PPP1R13B: variants seen among roughly 807,000 people sequenced by gnomAD.
PPP1R13B encodes apoptosis-stimulating of p53 protein 1.
Under a neutral mutation model 119.8 loss-of-function variants are expected in PPP1R13B, and 44 were observed. The ratio of observed to expected loss-of-function variants is 0.37; its 90% CI spans 0.29 to 0.47. The LOEUF (loss-of-function observed/expected upper bound fraction) is 0.47. Ranked by LOEUF, PPP1R13B falls within the 20% of genes least tolerant of loss-of-function variation. The pLI is 0.99. For missense variants in PPP1R13B, 1,227 were observed against 1,413.5 expected (o/e 0.87, Z 2.12); for synonymous variants, 542 against 561.5 (o/e 0.97, Z 0.49).
intron 15 of PPP1R13B, 26 bp from the exon 16 acceptor site, chr14:103,736,228 C>A: frequency 6.2e-7 from 1 of 1,605,800 alleles, no homozygotes; most frequent in African/African-American, 1.3e-5. Flanking sequence ...AATGGTCAGG[C>A]CTCAGCAGAG....
In PPP1R13B at chr14:103,821,691, C is replaced by T. The variant is rs569861247; in HGVS notation, c.10-24173G>A. On this transcript the variant is annotated intron_variant, in intron 1 of 16. Transcript: ENST00000202556. ...GCTTGAACCCGGGAGGCAGAGGTTG[C>T]GGTAAGCTGAGATTGCGCCATTGCA... 1.2e-4 allele frequency among the ~76,000 whole-genome samples: 18 copies of T among 152,054 alleles called. No homozygotes were observed. The South Asian group carries it at 1.9e-3, about 16-fold the overall frequency.
intron 4 of PPP1R13B, among the ~76,000 whole-genome samples, chr14:103,769,306 G>A (rs1159733800): frequency 1.3e-5 from 2 of 151,814 alleles, no homozygotes; most frequent in Non-Finnish European, 2.9e-5. Context: ...GGCCAGGCTT[G>A]TCTCAAACTC....
intron 4 of PPP1R13B, among the ~76,000 whole-genome samples, chr14:103,770,398 C>G (rs1050386676): frequency 2.6e-5 from 4 of 151,962 alleles, no homozygotes; most frequent in Non-Finnish European, 4.4e-5. Flanking sequence ...GCCTGTAGTC[C>G]CAGCTACGTG....
Position 103,740,194 on chromosome 14 carries a change from G to A in PPP1R13B, c.2222C>T (p.Pro741Leu). The A allele has an allele frequency of 6.2e-7, 1 of 1,613,898 alleles. No individual in the cohort carries two copies. The highest frequency in any genetic ancestry group is 8.5e-7 in the Non-Finnish European group (1 of 1,180,002). Residue 741 changes from proline (P) to leucine (L), a missense_variant, in exon 12 of 17, where the codon CCT becomes CTT. Pro to Leu is a moderately conservative substitution (Grantham distance 98). Transcript: ENST00000202556. The surrounding 1 kb of genome is among the most constrained non-coding windows in gnomAD (Gnocchi z 4.6). Reference sequence around the variant, plus strand: ...CTGGGAGGGGCTGGGCTGGTAGAAAGGGGTGCCCTCCATGCCACCGGCCAG... The same window carrying A: ...CTGGGAGGGGCTGGGCTGGTAGAAAAGGGTGCCCTCCATGCCACCGGCCAG... Reference protein sequence around the residue: ...NTLAGGMEGTPFYQPSPSQDF... With the variant: ...NTLAGGMEGTLFYQPSPSQDF...
Position 103,738,664 on chromosome 14 carries a change from T to G in PPP1R13B, c.2864+15A>C. On this transcript the variant is annotated intron_variant, in intron 14 of 16. Coordinates refer to ENST00000202556, the MANE Select transcript of PPP1R13B (RefSeq NM_015316.3). This position sits in a 1 kb window ranked among gnomAD's most constrained non-coding sequence, Gnocchi z 5.6. ...GAAAGTAAATCTGTCCACCCCACAC[T>G]CCTACGGGCCTCACCATCCATCACT... is the stretch of plus-strand genomic sequence containing the variant. 6.2e-7 allele frequency: 1 copy of G among 1,613,976 alleles called. No homozygotes were observed. The highest frequency in any genetic ancestry group is 8.5e-7 in the Non-Finnish European group (1 of 1,179,856).
At chr14:103,823,007 T>C (rs1287452293) in intron 1 of PPP1R13B, among the ~76,000 whole-genome samples, 2 of 151,876 alleles carry the variant, frequency 1.3e-5, no homozygotes, top group Admixed American at 6.6e-5. Flanking sequence ...AAGCCTACTA[T>C]ATCACATTGC....
chr14:103,755,588 A>T (rs1017974393), intron 5 of PPP1R13B, among the ~76,000 whole-genome samples: 1 of 152,208 alleles, frequency 6.6e-6, no homozygotes, highest in Non-Finnish European at 1.5e-5. Flanking sequence ...ACATAGGGAG[A>T]GGTTTAAGGT....
chr14:103,797,299 A>G (rs1316497827), intron 2 of PPP1R13B, 72 bp downstream of exon 2: 3 of 1,442,390 alleles, frequency 2.1e-6, no homozygotes, highest in Middle Eastern at 1.8e-4. Context: ...AAGCAAATCC[A>G]GCACAAGCTT....
intron 1 of PPP1R13B, among the ~76,000 whole-genome samples, chr14:103,842,301 CTTTTTTT>C (rs34596421): frequency 1.7e-5 from 2 of 117,950 alleles, no homozygotes; most frequent in East Asian, 4.8e-4. Context: ...AGAGTGCCTT[CTTTTTTT>C]TTTTTTTTTT....
At chr14:103,797,300 G>C in intron 2 of PPP1R13B, 71 bp downstream of exon 2, 1 of 1,442,272 alleles carries the variant, frequency 6.9e-7, no homozygotes, top group Non-Finnish European at 9.3e-7. Flanking sequence ...AGCAAATCCA[G>C]CACAAGCTTA....
chr14:103,785,623 T>C (rs1306428545), intron 2 of PPP1R13B, among the ~76,000 whole-genome samples: 1 of 151,440 alleles, frequency 6.6e-6, no homozygotes. Flanking sequence ...GAGATTCTCC[T>C]GCCTCGGCCT....
chr14:103,798,244 C>T (rs1188610144), intron 1 of PPP1R13B, among the ~76,000 whole-genome samples: 5 of 149,926 alleles, frequency 3.3e-5, no homozygotes, highest in South Asian at 4.2e-4. Context: ...CTCTGCCTCC[C>T]GGGTTCATGC....
intron 1 of PPP1R13B, among the ~76,000 whole-genome samples, chr14:103,838,531 C>T (rs1042528876): frequency 3.9e-5 from 6 of 152,302 alleles, no homozygotes; most frequent in East Asian, 3.9e-4. Context: ...ATAGTTGTCT[C>T]GTGCATATAC....
chr14:103,734,564 TG>T lies in PPP1R13B; in HGVS notation c.*589del, dbSNP rs2084039789. 1 of 456,298 alleles carries T rather than the reference TG, an allele frequency of 2.2e-6. No homozygotes were observed. Among genetic ancestry groups the T allele is most frequent in the Non-Finnish European group, 4.4e-6 (1 of 226,806 alleles). The allele number at this position is 456,298 out of a possible 1,614,324, so 28.3% of individuals were successfully genotyped here. On this transcript the variant is annotated 3_prime_UTR_variant, in exon 17 of 17. Transcript: ENST00000202556. ...CTGCACAATCAGCCTTTAGGTGAAC[TG>T]GAACAGGAAGCGGAACCCCCAAGGC...
In PPP1R13B at chr14:103,738,613, C is replaced by T. The variant is rs528649556; in HGVS notation, c.2864+66G>A. On this transcript the variant is annotated intron_variant, in intron 14 of 16. Transcript: ENST00000202556. This position sits in a 1 kb window ranked among gnomAD's most constrained non-coding sequence, Gnocchi z 5.6. ...CCGTGCTTCCTAATTGTCTAGAACACGCCTGTTTTCCTTATGCAAAGCAGG... is the reference window on the plus strand; with the variant it reads ...CCGTGCTTCCTAATTGTCTAGAACATGCCTGTTTTCCTTATGCAAAGCAGG... The T allele has an allele frequency of 9.4e-5, 150 of 1,595,566 alleles. No individual in the cohort carries two copies. The highest frequency in any genetic ancestry group is 1.2e-4 in the Non-Finnish European group (136 of 1,167,074).
intron 1 of PPP1R13B, among the ~76,000 whole-genome samples, chr14:103,804,661 G>T (rs1177570246): frequency 6.6e-6 from 1 of 151,984 alleles, no homozygotes; most frequent in Non-Finnish European, 1.5e-5. Flanking sequence ...ATAAGCCCAG[G>T]AGTTCAGTGC....
upstream of PPP1R13B, chr14:103,848,466 C>T (rs533320837): frequency 2.0e-6 from 2 of 985,478 alleles, no homozygotes; most frequent in South Asian, 4.7e-5. Context: ...GGTAGGCACC[C>T]GCTCGGGGCC....
At chr14:103,796,287 A>G (rs1250331388) in intron 2 of PPP1R13B, among the ~76,000 whole-genome samples, 2 of 152,074 alleles carry the variant, frequency 1.3e-5, no homozygotes, top group Non-Finnish European at 2.9e-5. Context: ...TGTCTCAAAA[A>G]TAAATAAATA....
At chr14:103,737,420 C>G (rs953876518) in intron 15 of PPP1R13B, 8 of 280,440 alleles carry the variant, frequency 2.9e-5, no homozygotes, top group African/African-American at 6.7e-5. Flanking sequence ...AAAAAAAGTA[C>G]AAAAAATTAG....
Sources: gnomAD v4.1 joint callset for allele counts (sites outside exome capture counted in the v4.1 genomes callset) on GRCh38, gnomAD v4.1.1 for gene constraint, Gnocchi (gnomAD v3.1) non-coding constraint, MANE v1.5 for transcripts, NCBI Gene and HGNC (gene_info 2026-07-23, HGNC 2026-07-21) for gene names.